The following CCSER1 variants were observed in gnomAD, a reference collection of about 807,000 sequenced individuals.
CCSER1 encodes the protein coiled-coil serine rich protein 1.
CCSER1 carries 41 observed loss-of-function variants against 82.0 expected under a neutral mutation model. The ratio of observed to expected loss-of-function variants is 0.50; its 90% confidence interval spans 0.39 to 0.65. The LOEUF is 0.65. CCSER1 is among the 30% of genes least tolerant of loss of function. CCSER1 has a pLI of 0.00. For synonymous variants in CCSER1, 414 were observed against 383.9 expected (o/e 1.08, Z -0.92); for missense variants, 1,119 against 1,064.2 (o/e 1.05, Z -0.72).
intron 3 of CCSER1, chr4:90,370,345 A>T (rs1747171836): frequency 6.6e-6 from 1 of 152,076 alleles, no homozygotes; most frequent in Non-Finnish European, 1.5e-5. Flanking sequence ...ACTTCTAAGT[A>T]TGCTATGGAG....
chr4:91,202,559 G>A (rs571341383), intron 10 of CCSER1, among the ~76,000 whole-genome samples: 1 of 152,060 alleles, frequency 6.6e-6, no homozygotes, highest in Admixed American at 6.6e-5. Context: ...GAAAGAGGCA[G>A]GATAGTATTT....
chr4:91,166,911 AC>A (rs1273893688), intron 10 of CCSER1, among the ~76,000 whole-genome samples: 3 of 152,160 alleles, frequency 2.0e-5, no homozygotes, highest in Non-Finnish European at 2.9e-5. Flanking sequence ...GATAGAATTT[AC>A]AAAGATAAGC....
chr4:90,812,056 A>T (rs1365936835), intron 7 of CCSER1, among the ~76,000 whole-genome samples: 1 of 151,650 alleles, frequency 6.6e-6, no homozygotes, highest in African/African-American at 2.4e-5. Context: ...ACAATAGGCC[A>T]TCTGCAGGCT....
At chr4:90,392,561 A>G (rs1751363588) in intron 3 of CCSER1, among the ~76,000 whole-genome samples, 1 of 152,112 alleles carries the variant, frequency 6.6e-6, no homozygotes. Flanking sequence ...AACACACAGC[A>G]ATCCAAACTA....
chr4:90,424,516 A>G (rs572836753), intron 4 of CCSER1, among the ~76,000 whole-genome samples: 19 of 152,328 alleles, frequency 1.2e-4, no homozygotes, highest in African/African-American at 4.1e-4. Flanking sequence ...TTTTATGCCT[A>G]TAGATGCATT....
At chr4:91,486,951 G>A (rs1237389598) in intron 10 of CCSER1, among the ~76,000 whole-genome samples, 1 of 152,046 alleles carries the variant, frequency 6.6e-6, no homozygotes, top group Non-Finnish European at 1.5e-5. Context: ...TGTAGTAACT[G>A]CTGAAATATA....
At chr4:90,159,525 T>G (rs1835522) in intron 1 of CCSER1, among the ~76,000 whole-genome samples, 51,977 of 151,954 alleles carry the variant, frequency 0.34, 11,115 homozygotes, top group East Asian at 0.65. Flanking sequence ...ACACACAATA[T>G]GGAAAAATTA....
chr4:90,313,097 C>T (rs377148433), intron 3 of CCSER1, 50 bp downstream of exon 3: 18 of 1,397,698 alleles, frequency 1.3e-5, no homozygotes, highest in South Asian at 6.2e-5. Flanking sequence ...TGTCTATATC[C>T]GACATGTTCA....
At chr4:91,588,371 G>A (rs927311826) in intron 10 of CCSER1, among the ~76,000 whole-genome samples, 13 of 151,438 alleles carry the variant, frequency 8.6e-5, no homozygotes, top group Middle Eastern at 3.4e-3. Context: ...TATTAAATAA[G>A]CCTCTTATCT....
intron 1 of CCSER1, among the ~76,000 whole-genome samples, chr4:90,151,411 T>C (rs1726817535): frequency 1.3e-5 from 2 of 152,126 alleles, no homozygotes; most frequent in South Asian, 4.1e-4. Flanking sequence ...TGTTTAGCTT[T>C]AAGATGATTT....
intron 9 of CCSER1, among the ~76,000 whole-genome samples, chr4:90,947,786 A>G (rs1010815241): frequency 6.6e-6 from 1 of 152,166 alleles, no homozygotes; most frequent in Non-Finnish European, 1.5e-5. Context: ...TGACAAGTAT[A>G]ATATCTTAAA....
chr4:90,219,857 T>C (rs932206008), intron 1 of CCSER1, among the ~76,000 whole-genome samples: 2 of 152,208 alleles, frequency 1.3e-5, no homozygotes, highest in African/African-American at 4.8e-5. Flanking sequence ...ATTGCTTCTA[T>C]AAATTAGGAA....
At chr4:91,386,715 G>A (rs527342680) in intron 10 of CCSER1, among the ~76,000 whole-genome samples, 1 of 152,114 alleles carries the variant, frequency 6.6e-6, no homozygotes, top group Non-Finnish European at 1.5e-5. Context: ...TGAAAGCAAT[G>A]AACTTTGTTT....
chr4:90,309,832 T>C (rs1382575935), intron 2 of CCSER1, among the ~76,000 whole-genome samples: 1 of 152,130 alleles, frequency 6.6e-6, no homozygotes, highest in African/African-American at 2.4e-5. Flanking sequence ...TACTCATTTT[T>C]TCTCACTTAT....
intron 3 of CCSER1, among the ~76,000 whole-genome samples, chr4:90,335,334 T>G (rs1740181520): frequency 6.6e-6 from 1 of 152,154 alleles, no homozygotes; most frequent in Non-Finnish European, 1.5e-5. Flanking sequence ...ATGCGTAAAG[T>G]GAACTTAAAG....
rs191115604 is a variant in CCSER1 at position 90,882,780 on chromosome 4, C to A, written c.2095-40590C>A. On this transcript the variant is annotated intron_variant, in intron 8 of 10. Transcript: ENST00000509176. ...GAAAAAAAACAAAGCCAGGCTTCCC[C>A]CCTCAAATATACGCAACTTCACTTA... 4.9e-4 allele frequency among the ~76,000 whole-genome samples: 75 copies of A among 151,800 alleles called. 1 individual carries two copies. In the East Asian group the frequency reaches 0.012, roughly 25 times the overall value.
At position 90,802,530 on chromosome 4, in the gene CCSER1, T is replaced by G. The variant is rs201974913; in HGVS notation, c.2011-13232T>G. ...AGATAGATCTACAATGAATTTTTAG[T>G]TAATGTTTATAAAAAAATTTTATAG... is the stretch of plus-strand genomic sequence containing the variant. On this transcript the variant is annotated intron_variant, in intron 7 of 10. Transcript: ENST00000509176. Among the ~76,000 whole-genome samples, 71 of 151,124 alleles carry G rather than the reference T, an allele frequency of 4.7e-4. 1 individual carries two copies. The East Asian group carries it at 0.012, about 25-fold the overall frequency.
At chr4:90,194,046 G>A (rs1736149318) in intron 1 of CCSER1, among the ~76,000 whole-genome samples, 1 of 151,966 alleles carries the variant, frequency 6.6e-6, no homozygotes, top group Non-Finnish European at 1.5e-5. Flanking sequence ...TATTAATTTG[G>A]CTTGTCTTTG....
chr4:90,595,687 T>C (rs887220372), intron 5 of CCSER1, among the ~76,000 whole-genome samples: 1 of 152,012 alleles, frequency 6.6e-6, no homozygotes, highest in African/African-American at 2.4e-5. Context: ...GAGAGACTTA[T>C]ATGCTTTAGT....
Sources: allele counts gnomAD v4.1 joint callset (sites outside exome capture counted in the v4.1 genomes callset), GRCh38; gene constraint gnomAD v4.1.1; transcripts MANE v1.5; gene names NCBI Gene and HGNC (gene_info 2026-07-23, HGNC 2026-07-21).